STPG4: variants seen among roughly 807,000 people sequenced by gnomAD.
The protein encoded by STPG4 is sperm-tail PG-rich repeat containing 4, also known as protein STPG4.
Under a neutral mutation model 31.5 loss-of-function variants are expected in STPG4, and 41 were observed. The ratio of observed to expected loss-of-function variants is 1.30; its 90% CI spans 1.01 to 1.69. STPG4 has a LOEUF of 1.69. Ranked by LOEUF, STPG4 falls within the 40% of genes most tolerant of loss-of-function variation. The pLI, the probability that STPG4 is intolerant of heterozygous loss-of-function variation, is 0.00. For missense variants in STPG4, 375 were observed against 293.4 expected, an observed-to-expected ratio of 1.28 and a Z score of -2.03; for synonymous variants, 141 against 103.0, an observed-to-expected ratio of 1.37 and a Z score of -2.24.
chr2:47,140,007 C>G (rs1055180556), intron 3 of STPG4, among the ~76,000 whole-genome samples: 1 of 152,002 alleles, frequency 6.6e-6, no homozygotes, highest in Non-Finnish European at 1.5e-5. Context: ...AACTCCTGAC[C>G]CTGTGATCCG....
chr2:47,136,642 T>C (rs182424798), intron 3 of STPG4, among the ~76,000 whole-genome samples: 11 of 152,340 alleles, frequency 7.2e-5, no homozygotes, highest in Non-Finnish European at 1.5e-4. Flanking sequence ...TCATGAGTTT[T>C]GACACACGTA....
chr2:47,090,234 A>C, intron 6 of STPG4, 36 bp downstream of exon 6: 1 of 1,413,856 alleles, frequency 7.1e-7, no homozygotes, highest in Non-Finnish European at 9.8e-7. Flanking sequence ...CCATACCCCT[A>C]GGGGTGGGGG....
rs138750134 is a variant in STPG4, at chr2:47,089,813, G to C, written c.624+457C>G. ...CTTCCCTGTCTGTCCTGAGTTTTTG[G>C]GGGTGGGGTGATCGCTAATGCCTTA... On this transcript the variant is annotated intron_variant, in intron 6 of 6. Transcript: ENST00000445927. Among the ~76,000 whole-genome samples, 241 of 152,148 alleles carry C rather than the reference G, an allele frequency of 1.6e-3. 1 individual carries two copies. The highest frequency in any genetic ancestry group is 5.7e-3 in the African/African-American group (237 of 41,488).
chr2:47,099,383 C>T (rs955497667), intron 5 of STPG4, among the ~76,000 whole-genome samples: 3 of 152,252 alleles, frequency 2.0e-5, no homozygotes, highest in African/African-American at 7.2e-5. Context: ...GCCCTGACAA[C>T]GCAAATGGCT....
intron 5 of STPG4, among the ~76,000 whole-genome samples, chr2:47,094,201 T>C (rs1370176142): frequency 6.6e-6 from 1 of 152,192 alleles, no homozygotes; most frequent in East Asian, 1.9e-4. Context: ...ACAAATCAAA[T>C]GGGCCATTTC....
At chr2:47,128,363 A>G (rs937707401) in intron 5 of STPG4, among the ~76,000 whole-genome samples, 1 of 152,162 alleles carries the variant, frequency 6.6e-6, no homozygotes, top group African/African-American at 2.4e-5. Context: ...TGTTCACTCA[A>G]GGCCCAAAGG....
intron 5 of STPG4, among the ~76,000 whole-genome samples, chr2:47,107,227 C>A (rs1685930956): frequency 6.6e-6 from 1 of 152,094 alleles, no homozygotes; most frequent in African/African-American, 2.4e-5. Flanking sequence ...GAGCCCCTTT[C>A]TGGGCTGGCC....
At chr2:47,091,544 G>T (rs1685569391) in intron 5 of STPG4, among the ~76,000 whole-genome samples, 1 of 151,988 alleles carries the variant, frequency 6.6e-6, no homozygotes, top group Non-Finnish European at 1.5e-5. Flanking sequence ...CTCAGGAGTG[G>T]GACAGGGCAA....
chr2:47,094,667 TGGCTTTCA>T (rs1442377374), intron 5 of STPG4, among the ~76,000 whole-genome samples: 1 of 152,194 alleles, frequency 6.6e-6, no homozygotes, highest in African/African-American at 2.4e-5. Context: ...GCTATCTGCC[TGGCTTTCA>T]GATGCCAAAC....
chr2:47,089,423 T>A (rs570340477), intron 6 of STPG4, among the ~76,000 whole-genome samples: 1 of 152,240 alleles, frequency 6.6e-6, no homozygotes. Flanking sequence ...CGGGAGGTGA[T>A]TTGCAGCCCA....
At chr2:47,105,805 G>A (rs1685898576) in intron 5 of STPG4, among the ~76,000 whole-genome samples, 1 of 152,078 alleles carries the variant, frequency 6.6e-6, no homozygotes, top group African/African-American at 2.4e-5. Flanking sequence ...TGTGTATACA[G>A]ATAGCAAGTA....
intron 5 of STPG4, chr2:47,129,646 C>T (rs71423945): frequency 0.021 from 6,126 of 290,468 alleles, 95 homozygotes; most frequent in African/African-American, 0.043. Flanking sequence ...CACGTGGCTG[C>T]TGCCAGGGGA....
chr2:47,124,233 C>T (rs1028991461), intron 5 of STPG4, among the ~76,000 whole-genome samples: 5 of 152,080 alleles, frequency 3.3e-5, no homozygotes, highest in Non-Finnish European at 5.9e-5. Context: ...TCAAATGATC[C>T]GCCTGCCTCC....
chr2:47,108,560 A>C (rs547876021), intron 5 of STPG4: 1 of 173,470 alleles, frequency 5.8e-6, no homozygotes, highest in East Asian at 1.7e-4. Flanking sequence ...AGTGAGACCA[A>C]GAACCCACCA....
Position 47,133,570 on chromosome 2 carries a change from C to CTTTTTTTTTTTT in STPG4, c.400-3322_400-3311dup, listed in dbSNP as rs10682288. Among the ~76,000 whole-genome samples the CTTTTTTTTTTTT allele has an allele frequency of 3.5e-3, 234 of 67,152 alleles. 44 individuals carry two copies. Among genetic ancestry groups the CTTTTTTTTTTTT allele is most frequent in the Non-Finnish European group, 4.2e-3 (169 of 39,824 alleles). 44.1% of individuals were successfully genotyped at this position (67,152 alleles called of 152,430 possible). ...ATCCATGCTGATTAGGCACTCAAAT[C>CTTTTTTTTTTTT]TTTTTTTTTTTTTTTTTTTTTTTTG... On this transcript the variant is annotated intron_variant, in intron 3 of 6. Transcript: ENST00000445927.
intron 2 of STPG4, 77 bp downstream of exon 2, chr2:47,152,880 T>A (rs1686964861): frequency 9.6e-7 from 1 of 1,041,480 alleles, no homozygotes; most frequent in Admixed American, 2.2e-5. Context: ...TTAGTGTTAG[T>A]CTTAAAAGCT....
chr2:47,122,169 TTATC>T (rs1441889371), intron 5 of STPG4, among the ~76,000 whole-genome samples: 1 of 152,172 alleles, frequency 6.6e-6, no homozygotes, highest in Non-Finnish European at 1.5e-5. Context: ...TTTATGTCCT[TTATC>T]TGTTTTACTT....
rs909517418 is a variant in STPG4, at chr2:47,155,062, G to A, written c.81+109C>T. ...GAGGGCAGGGAGAGAAGGGTAGGAA[G>A]AGGGAACGAGAGCGGCACGAAGGCC... On this transcript the variant is annotated intron_variant, in intron 1 of 6. Coordinates refer to ENST00000445927, the MANE Select transcript of STPG4 (RefSeq NM_001163561.2). 3.1e-6 allele frequency: 3 copies of A among 976,246 alleles called. No individual in the cohort carries two copies. The African/African-American group carries it at 4.8e-5, about 16-fold the overall frequency. The allele number at this position is 976,246 out of a possible 1,614,324, so 60.5% of individuals were successfully genotyped here.
chr2:47,098,419 A>T (rs1685720785), intron 5 of STPG4, among the ~76,000 whole-genome samples: 1 of 152,188 alleles, frequency 6.6e-6, no homozygotes. Context: ...GAAACCAGTG[A>T]TTTAGCGTTT....
Sources: allele counts gnomAD v4.1 joint callset (sites outside exome capture counted in the v4.1 genomes callset), GRCh38; gene constraint gnomAD v4.1.1; transcripts MANE v1.5; gene names NCBI Gene and HGNC (gene_info 2026-07-23, HGNC 2026-07-21).